The following CDH12 variants were observed in gnomAD, a reference collection of about 807,000 sequenced individuals.
CDH12 encodes cadherin-12.
Under a neutral mutation model 74.1 loss-of-function variants are expected in CDH12, and 41 were observed. The ratio of observed to expected loss-of-function variants is 0.55; its 90% CI spans 0.43 to 0.72. The LOEUF is 0.72. Ranked by LOEUF, CDH12 falls within the 30% of genes least tolerant of loss-of-function variation. The pLI, the probability that CDH12 is intolerant of heterozygous loss-of-function variation, is 0.00. For synonymous variants in CDH12, 399 were observed against 355.0 expected (o/e 1.12, Z -1.39); for missense variants, 945 against 977.2 (o/e 0.97, Z 0.44).
chr5:22,524,743 C>T (rs201764670), intron 1 of CDH12, among the ~76,000 whole-genome samples: 269 of 152,182 alleles, frequency 1.8e-3, no homozygotes, highest in Non-Finnish European at 3.5e-3. Flanking sequence ...TTATTGCTCA[C>T]ATTGTATGTC....
At chr5:22,309,462 A>G (rs371149794) in intron 3 of CDH12, among the ~76,000 whole-genome samples, 31 of 152,152 alleles carry the variant, frequency 2.0e-4, no homozygotes, top group African/African-American at 6.8e-4. Flanking sequence ...GCCTCAAACT[A>G]TTTTTATTGT....
chr5:21,955,227 G>A (rs571219636), intron 6 of CDH12, among the ~76,000 whole-genome samples: 2 of 151,750 alleles, frequency 1.3e-5, no homozygotes, highest in South Asian at 2.1e-4. Flanking sequence ...GTGGTCATTC[G>A]GGTAGAGATT....
At chr5:21,796,240 A>C (rs1746773016) in intron 10 of CDH12, among the ~76,000 whole-genome samples, 1 of 152,028 alleles carries the variant, frequency 6.6e-6, no homozygotes, top group Non-Finnish European at 1.5e-5. Context: ...AAGCTCCTGA[A>C]CATTCTAGCT....
At chr5:22,199,013 C>G (rs2150352958) in intron 4 of CDH12, among the ~76,000 whole-genome samples, 1 of 151,928 alleles carries the variant, frequency 6.6e-6, no homozygotes, top group South Asian at 2.1e-4. Flanking sequence ...ACAATGTGTT[C>G]AAAAGGGGAA....
intron 3 of CDH12, among the ~76,000 whole-genome samples, chr5:22,404,457 G>GC (rs1373123050): frequency 6.6e-6 from 1 of 151,712 alleles, no homozygotes; most frequent in Non-Finnish European, 1.5e-5. Flanking sequence ...CAAGAAGCCT[G>GC]CCCTTTTTTT....
chr5:21,815,935 T>A (rs1748015188), intron 9 of CDH12, among the ~76,000 whole-genome samples: 1 of 152,224 alleles, frequency 6.6e-6, no homozygotes, highest in Admixed American at 6.5e-5. Context: ...TCTGTAAGAA[T>A]CTTTTTTAAA....
intron 5 of CDH12, among the ~76,000 whole-genome samples, chr5:21,995,050 G>A (rs866192005): frequency 2.0e-5 from 3 of 152,018 alleles, no homozygotes; most frequent in Non-Finnish European, 4.4e-5. Context: ...AGGGTCTGCC[G>A]CTTCACACCT....
intron 1 of CDH12, among the ~76,000 whole-genome samples, chr5:22,827,646 ACTGTACGTGTG>A (rs1470417592): frequency 9.2e-5 from 14 of 152,326 alleles, no homozygotes; most frequent in Admixed American, 8.5e-4. Flanking sequence ...GCCTTTCTTA[ACTGTACGTGTG>A]CATCTCAGAA....
At chr5:22,185,569 G>A (rs1443811517) in intron 4 of CDH12, among the ~76,000 whole-genome samples, 1 of 152,198 alleles carries the variant, frequency 6.6e-6, no homozygotes, top group Non-Finnish European at 1.5e-5. Flanking sequence ...TTCACAGTGT[G>A]TCCCTTTTCA....
rs188009542 is a variant in CDH12 at position 21,878,147 on chromosome 5, T to A, written c.527-23357A>T. Among the ~76,000 whole-genome samples the A allele has an allele frequency of 2.6e-5, 4 of 152,342 alleles. No homozygotes were observed. In the East Asian group the frequency reaches 5.8e-4, roughly 22 times the overall value. On this transcript the variant is annotated intron_variant, in intron 6 of 14. Coordinates refer to ENST00000382254, the MANE Select transcript of CDH12 (RefSeq NM_004061.5). ...TTCCTAGCTAATAGAGAAAACTTTATTTGTGCATGAGACTCTGATTTCATA... is the reference window on the plus strand; with the variant it reads ...TTCCTAGCTAATAGAGAAAACTTTAATTGTGCATGAGACTCTGATTTCATA...
chr5:21,803,786 G>A (rs1006128906), intron 9 of CDH12, among the ~76,000 whole-genome samples: 4 of 152,114 alleles, frequency 2.6e-5, no homozygotes, highest in African/African-American at 9.7e-5. Flanking sequence ...TGCTGTGTCA[G>A]TACCTGTTCC....
intron 3 of CDH12, among the ~76,000 whole-genome samples, chr5:22,334,818 C>A (rs1252254377): frequency 6.6e-6 from 1 of 152,004 alleles, no homozygotes; most frequent in Admixed American, 6.6e-5. Flanking sequence ...AGAAACTAGA[C>A]CCTTCTCTCA....
chr5:21,760,883 G>A (rs756165181), intron 12 of CDH12, among the ~76,000 whole-genome samples: 15 of 151,948 alleles, frequency 9.9e-5, no homozygotes, highest in Non-Finnish European at 1.5e-4. Context: ...ATAGAACATG[G>A]GCTAATTTCA....
chr5:21,821,572 C>G (rs1027241856), intron 8 of CDH12, among the ~76,000 whole-genome samples: 68 of 151,582 alleles, frequency 4.5e-4, no homozygotes, highest in African/African-American at 1.6e-3. Context: ...AATAAGTTAC[C>G]TAAATACAAG....
chr5:22,097,429 C>T (rs147436085), intron 4 of CDH12, among the ~76,000 whole-genome samples: 1,731 of 152,278 alleles, frequency 0.011, 26 homozygotes, highest in African/African-American at 0.04. Flanking sequence ...CTACCCACTC[C>T]ACATTACCTT....
chr5:22,222,516 CTT>C (rs1752053180), intron 3 of CDH12, among the ~76,000 whole-genome samples: 1 of 151,820 alleles, frequency 6.6e-6, no homozygotes, highest in African/African-American at 2.4e-5. Flanking sequence ...AATTTGTACT[CTT>C]TTTCACTTAA....
At chr5:22,158,186 A>C (rs1052007750) in intron 4 of CDH12, among the ~76,000 whole-genome samples, 1 of 152,058 alleles carries the variant, frequency 6.6e-6, no homozygotes, top group Non-Finnish European at 1.5e-5. Context: ...TTAACCTAGA[A>C]AAGGCTACTT....
At chr5:21,862,798 A>G (rs970166093) in intron 6 of CDH12, among the ~76,000 whole-genome samples, 4 of 152,068 alleles carry the variant, frequency 2.6e-5, no homozygotes, top group Non-Finnish European at 4.4e-5. Context: ...TATTTTTAAG[A>G]TTTTCCATAT....
intron 5 of CDH12, among the ~76,000 whole-genome samples, chr5:22,022,824 A>G (rs1346924611): frequency 6.6e-6 from 1 of 152,068 alleles, no homozygotes; most frequent in Non-Finnish European, 1.5e-5. Flanking sequence ...CTACCTTTAC[A>G]TACTGTTTGC....
Sources: allele counts gnomAD v4.1 joint callset (sites outside exome capture counted in the v4.1 genomes callset), GRCh38; gene constraint gnomAD v4.1.1; transcripts MANE v1.5; gene names NCBI Gene and HGNC (gene_info 2026-07-23, HGNC 2026-07-21).